ATP10B: variants seen among roughly 807,000 people sequenced by gnomAD.
ATP10B encodes ATPase phospholipid transporting 10B (putative).
In ATP10B, 122 loss-of-function variants were observed where a neutral mutation model predicts 141.2. The ratio of observed to expected loss-of-function variants is 0.86; its 90% CI spans 0.75 to 1.00. ATP10B has a LOEUF of 1.00. Among genes scored for constraint, ATP10B ranks in the 50% least tolerant of loss-of-function variants. ATP10B has a pLI of 0.00. For missense variants in ATP10B, 1,876 were observed against 1,825.3 expected, an observed-to-expected ratio of 1.03 and a Z score of -0.51; for synonymous variants, 685 against 692.0, an observed-to-expected ratio of 0.99 and a Z score of 0.16.
At chr5:160,912,180 A>G in the ATP10B span, among the ~76,000 whole-genome samples, 1 of 152,092 alleles carries the variant, frequency 6.6e-6, no homozygotes, top group African/African-American at 2.4e-5. Flanking sequence ...GAGTAGATCT[A>G]AATAAAGACC....
At chr5:160,821,051 T>C (rs1037846739) in intron 1 of ATP10B, among the ~76,000 whole-genome samples, 1 of 152,070 alleles carries the variant, frequency 6.6e-6, no homozygotes, top group Non-Finnish European at 1.5e-5. Flanking sequence ...CGCATCCAAA[T>C]TGGAAAGGAA....
chr5:160,774,338 A>T (rs1770126285), intron 2 of ATP10B, among the ~76,000 whole-genome samples: 1 of 152,206 alleles, frequency 6.6e-6, no homozygotes, highest in African/African-American at 2.4e-5. Context: ...CTGAAATCTA[A>T]GTGTGCCGAA....
intron 1 of ATP10B, among the ~76,000 whole-genome samples, chr5:160,800,812 C>T (rs1055361265): frequency 1.3e-5 from 2 of 152,160 alleles, no homozygotes; most frequent in Admixed American, 6.5e-5. Context: ...ATGACATCAG[C>T]TTAAGAAACA....
At position 160,569,293 on chromosome 5, in the gene ATP10B, C is replaced by T. The variant is rs186685506; in HGVS notation, c.3938+203G>A. Reference sequence around the variant, plus strand: ...TCACACTGATTTGGTGACTTTGCTACTTTGTGGCTAACCTGGGACCACAGT... The same window carrying T: ...TCACACTGATTTGGTGACTTTGCTATTTTGTGGCTAACCTGGGACCACAGT... On this transcript the variant is annotated intron_variant, in intron 25 of 25. Coordinates refer to ENST00000327245, the MANE Select transcript of ATP10B (RefSeq NM_025153.3). Among the ~76,000 whole-genome samples, 378 of 152,316 alleles carry T rather than the reference C, an allele frequency of 2.5e-3. 2 individuals carry two copies. The highest frequency in any genetic ancestry group is 6.8e-3 in the Middle Eastern group (2 of 294).
intron 1 of ATP10B, among the ~76,000 whole-genome samples, chr5:160,800,172 T>G (rs1297921464): frequency 6.6e-6 from 1 of 152,172 alleles, no homozygotes; most frequent in Non-Finnish European, 1.5e-5. Flanking sequence ...TTCTGTCATT[T>G]CAGGGTAGTA....
intron 13 of ATP10B, among the ~76,000 whole-genome samples, chr5:160,627,114 T>C (rs76319630): frequency 0.014 from 2,084 of 152,294 alleles, 43 homozygotes; most frequent in African/African-American, 0.048. Flanking sequence ...GCACTCCTCA[T>C]CCACTCCTCA....
chr5:160,755,806 C>G (rs1768493808), intron 2 of ATP10B, among the ~76,000 whole-genome samples: 1 of 100,920 alleles, frequency 9.9e-6, no homozygotes, highest in African/African-American at 3.7e-5. Context: ...CAGAGCGAGA[C>G]TCCGTCTCAA....
At chr5:160,586,632 A>G (rs543837058) in intron 24 of ATP10B, among the ~76,000 whole-genome samples, 4 of 152,330 alleles carry the variant, frequency 2.6e-5, no homozygotes, top group Admixed American at 6.5e-5. Context: ...CTGCCTCGCC[A>G]TCTACTGTTT....
the ATP10B span, among the ~76,000 whole-genome samples, chr5:160,904,777 C>A: frequency 3.5e-4 from 54 of 152,260 alleles, 1 homozygote; most frequent in East Asian, 3.9e-3. Context: ...CCAACATTAA[C>A]CATGTGTTTA....
At chr5:160,825,849 A>G (rs1186335305) in intron 1 of ATP10B, among the ~76,000 whole-genome samples, 1 of 152,064 alleles carries the variant, frequency 6.6e-6, no homozygotes, top group Non-Finnish European at 1.5e-5. Context: ...TATTGTTCCC[A>G]TGTTTATGTC....
intron 11 of ATP10B, among the ~76,000 whole-genome samples, chr5:160,634,822 C>T (rs1759236945): frequency 1.3e-5 from 2 of 152,226 alleles, no homozygotes; most frequent in Non-Finnish European, 2.9e-5. Context: ...GATGTCTAGT[C>T]ACCATTGGTT....
chr5:160,864,180 A>G, the ATP10B span, among the ~76,000 whole-genome samples: 1 of 152,072 alleles, frequency 6.6e-6, no homozygotes, highest in African/African-American at 2.4e-5. Context: ...ACATAGACGC[A>G]AAAATCCTCA....
At chr5:160,627,902 G>T (rs1758692533) in intron 13 of ATP10B, among the ~76,000 whole-genome samples, 2 of 152,178 alleles carry the variant, frequency 1.3e-5, no homozygotes, top group African/African-American at 2.4e-5. Flanking sequence ...TCGTTGTTGT[G>T]CCTGAGGTGG....
At chr5:160,745,626 A>C (rs1767761241) in intron 2 of ATP10B, among the ~76,000 whole-genome samples, 1 of 152,242 alleles carries the variant, frequency 6.6e-6, no homozygotes, top group South Asian at 2.1e-4. Flanking sequence ...AAGCATCAGA[A>C]ACACTTATAG....
chr5:160,758,783 G>A (rs1424592972), intron 2 of ATP10B, among the ~76,000 whole-genome samples: 4 of 152,210 alleles, frequency 2.6e-5, no homozygotes, highest in Non-Finnish European at 5.9e-5. Flanking sequence ...GATTTAGATG[G>A]AGAGTAGAGA....
At chr5:160,644,471 C>T (rs573922702) in intron 8 of ATP10B, among the ~76,000 whole-genome samples, 58 of 152,232 alleles carry the variant, frequency 3.8e-4, no homozygotes, top group Non-Finnish European at 6.3e-4. Context: ...AGGGAATTGT[C>T]CACCCTGAGA....
rs748108229 is a variant in ATP10B, at chr5:160,620,926, C to T, written c.1837G>A (p.Ala613Thr). The change falls in exon 15 of 26, where the codon GCT (alanine) becomes ACT (threonine). Residue 613 changes from alanine to threonine, a missense_variant. Physicochemically the swap from Ala to Thr is moderately conservative, Grantham distance 58. Coordinates refer to ENST00000327245, the MANE Select transcript of ATP10B (RefSeq NM_025153.3). The stretch of plus-strand genomic sequence containing the variant: ...ATCTTCTCCAGGGACGTCCCCAGAG[C>T]CTTGCTTGAGGGTTTGATGGTGACC... Reference protein sequence around the residue: ...QRVTIKPSSKALGTSLEKIQQ... With the variant: ...QRVTIKPSSKTLGTSLEKIQQ... 3.7e-6 allele frequency: 6 copies of T among 1,613,622 alleles called. No individual in the cohort carries two copies. The South Asian group carries it at 4.4e-5, about 12-fold the overall frequency.
intron 11 of ATP10B, 22 bp downstream of exon 11, chr5:160,636,160 C>A: frequency 1.9e-6 from 3 of 1,579,092 alleles, no homozygotes; most frequent in Non-Finnish European, 2.6e-6. Context: ...TATTGGGCCC[C>A]TAGTTAGGGA....
At chr5:160,878,798 C>G in the ATP10B span, among the ~76,000 whole-genome samples, 6 of 151,628 alleles carry the variant, frequency 4.0e-5, no homozygotes, top group Admixed American at 1.3e-4. Context: ...CTCATCATCA[C>G]TGGCCATCAG....
Sources: allele counts gnomAD v4.1 joint callset (sites outside exome capture counted in the v4.1 genomes callset), GRCh38; gene constraint gnomAD v4.1.1; transcripts MANE v1.5; gene names NCBI Gene and HGNC (gene_info 2026-07-23, HGNC 2026-07-21).